The following ITGAM variants were observed in gnomAD, a reference collection of about 807,000 sequenced individuals.
The protein encoded by ITGAM is integrin alpha-M.
ITGAM carries 79 observed loss-of-function variants against 137.5 expected under a neutral mutation model. The observed-to-expected ratio is 0.57, with a 90% CI of 0.48 to 0.69. The LOEUF (loss-of-function observed/expected upper bound fraction) is 0.69, where lower values mean the gene tolerates loss of function less well. Among genes scored for constraint, ITGAM ranks in the 30% least tolerant of loss-of-function variants. ITGAM has a pLI of 0.00. For synonymous variants in ITGAM, 583 were observed against 592.3 expected, an observed-to-expected ratio of 0.98 and a Z score of 0.23; for missense variants, 1,343 against 1,483.5, an observed-to-expected ratio of 0.91 and a Z score of 1.56.
chr16:31,314,636 T>G (rs1311922756), intron 14 of ITGAM, among the ~76,000 whole-genome samples: 1 of 152,156 alleles, frequency 6.6e-6, no homozygotes, highest in African/African-American at 2.4e-5. Context: ...ACTGTAGCCT[T>G]GTAGTATAGT....
intron 21 of ITGAM, among the ~76,000 whole-genome samples, chr16:31,326,016 T>G (rs113816240): frequency 0.017 from 2,614 of 152,212 alleles, 74 homozygotes; most frequent in African/African-American, 0.059. Flanking sequence ...CAGTGAGCTA[T>G]GATCACACCA....
Position 31,329,242 on chromosome 16 carries a change from C to T in ITGAM, c.2807C>T (p.Thr936Ile). Residue 936 changes from threonine to isoleucine, a missense_variant, in exon 24 of 30, where the codon ACT (threonine) becomes ATT (isoleucine). Transcript: ENST00000544665. Reference sequence around the variant, plus strand: ...TCTCCCTTCAGCCATGGGGTCTCCACTAAATATCTCAACTTCACGGCCTCA... The same window carrying T: ...TCTCCCTTCAGCCATGGGGTCTCCATTAAATATCTCAACTTCACGGCCTCA... Reference protein sequence around the residue: ...YMVVTSHGVSTKYLNFTASEN... With the variant: ...YMVVTSHGVSIKYLNFTASEN... 3 of 1,612,444 alleles carry T rather than the reference C, an allele frequency of 1.9e-6. No individual in the cohort carries two copies. The highest frequency in any genetic ancestry group is 2.7e-5 in the African/African-American group (2 of 74,974).
Position 31,273,498 on chromosome 16 carries a change from G to A in ITGAM, c.838G>A (p.Val280Ile), listed in dbSNP as rs1402700828. The A allele has an allele frequency of 2.5e-6, 4 of 1,613,718 alleles. No individual in the cohort carries two copies. The South Asian group carries it at 4.4e-5, about 18-fold the overall frequency. Residue 280 changes from valine (V) to isoleucine (I), a missense_variant, in exon 8 of 30, where the codon GTC becomes ATC. Coordinates refer to ENST00000544665, the MANE Select transcript of ITGAM (RefSeq NM_000632.4). ...CATCCCTGAGGCAGACAGAGAGGGA[G>A]TCATTCGCTACGTCATTGGGGTAGG... ...DVIPEADREG[V>I]IRYVIGVGDA...
chr16:31,267,893 C>T (rs925707907), intron 5 of ITGAM, among the ~76,000 whole-genome samples: 3 of 152,176 alleles, frequency 2.0e-5, no homozygotes, highest in Non-Finnish European at 2.9e-5. Context: ...ATCTTCCCAC[C>T]TCAGCCTCCC....
chr16:31,329,375 C>T, intron 24 of ITGAM, 72 bp downstream of exon 24: 6 of 1,146,084 alleles, frequency 5.2e-6, no homozygotes, highest in Non-Finnish European at 7.8e-6. Flanking sequence ...AATGCAGAAA[C>T]AGGGATGGGA....
In ITGAM at chr16:31,324,369, C is replaced by G; in HGVS notation, c.2003-30C>G. On this transcript the variant is annotated intron_variant, in intron 16 of 29. Transcript: ENST00000544665. This position sits in a 1 kb window ranked among gnomAD's most constrained non-coding sequence, Gnocchi z 4.5. ...TCTGCCGGGTTCCGAGGCTCAGGCC[C>G]CTCACTGCTGTGCCACCCTGTCCCT... is the stretch of plus-strand genomic sequence containing the variant. 6.5e-7 allele frequency: 1 copy of G among 1,547,330 alleles called. No homozygotes were observed. Among genetic ancestry groups the G allele is most frequent in the South Asian group, 1.2e-5 (1 of 83,984 alleles).
intron 10 of ITGAM, 60 bp from the exon 11 acceptor site, chr16:31,276,860 T>A: frequency 6.3e-7 from 1 of 1,593,920 alleles, no homozygotes; most frequent in Non-Finnish European, 8.6e-7. Flanking sequence ...AGTAGCTCTG[T>A]GAGGGGCAGC....
intron 6 of ITGAM, 149 bp from the exon 7 acceptor site, chr16:31,271,698 C>T: frequency 1.1e-6 from 1 of 915,358 alleles, no homozygotes; most frequent in African/African-American, 1.7e-5. Context: ...CTGCTGGCAG[C>T]TCTCCGTCCT....
In ITGAM at chr16:31,325,177, G is replaced by A; in HGVS notation, c.2364-86G>A. The A allele has an allele frequency of 2.6e-6, 4 of 1,520,202 alleles. No homozygotes were observed. The South Asian group carries it at 3.8e-5, about 15-fold the overall frequency. The allele number at this position is 1,520,202 out of a possible 1,614,324, so 94.2% of individuals were successfully genotyped here. A position where few individuals can be genotyped will look rare whatever the true frequency, so the allele number is the denominator to read the frequency against. On this transcript the variant is annotated intron_variant, in intron 19 of 29. Transcript: ENST00000544665. ...CCCTCCACTGTTGTCTCTTCATCAA[G>A]TGTCTGCGTCTCTGTTCTGCTGGAG...
intron 14 of ITGAM, among the ~76,000 whole-genome samples, chr16:31,320,113 G>A (rs1010813142): frequency 5.9e-5 from 9 of 152,108 alleles, no homozygotes; most frequent in African/African-American, 2.2e-4. Context: ...GAGCCACCGC[G>A]TCTGACCCTT....
At chr16:31,319,177 C>T (rs2080422405) in intron 14 of ITGAM, among the ~76,000 whole-genome samples, 1 of 151,072 alleles carries the variant, frequency 6.6e-6, no homozygotes, top group South Asian at 2.1e-4. Context: ...GTATATTCTG[C>T]AGTAGTTGGC....
chr16:31,310,867 GT>G (rs1377673503), intron 14 of ITGAM, among the ~76,000 whole-genome samples: 7 of 152,118 alleles, frequency 4.6e-5, no homozygotes, highest in African/African-American at 1.7e-4. Flanking sequence ...GTACAGATGG[GT>G]TTTTGGTGTG....
At chr16:31,294,810 C>T (rs761855122) in intron 12 of ITGAM, among the ~76,000 whole-genome samples, 4 of 152,120 alleles carry the variant, frequency 2.6e-5, no homozygotes, top group South Asian at 2.1e-4. Context: ...GCTTGATTGT[C>T]AAGAAGCTTT....
chr16:31,270,942 C>A lies in ITGAM; in HGVS notation c.428-12C>A. ...CAAATTACTTGATTCATACTCTTTT[C>A]CCCTTCCCCAGGGTGTCCTCAAGAG... On this transcript the variant is annotated splice_polypyrimidine_tract_variant and intron_variant, in intron 5 of 29. Coordinates refer to ENST00000544665, the MANE Select transcript of ITGAM (RefSeq NM_000632.4). The A allele has an allele frequency of 6.8e-7, 1 of 1,467,050 alleles. No homozygotes were observed. 90.9% of individuals were successfully genotyped at this position (1,467,050 alleles called of 1,614,324 possible). A position where few individuals can be genotyped will look rare whatever the true frequency, so the allele number is the denominator to read the frequency against.
rs1372473351 is a variant in ITGAM at position 31,261,746 on chromosome 16, A to G, written c.83A>G (p.Gln28Arg). 2 of 1,613,184 alleles carry G rather than the reference A, an allele frequency of 1.2e-6. No individual in the cohort carries two copies. The highest frequency in any genetic ancestry group is 1.3e-5 in the African/African-American group (1 of 74,818). Residue 28 changes from glutamine (Q) to arginine (R), a missense_variant, in exon 2 of 30, where the codon CAA (glutamine) becomes CGA (arginine). Coordinates refer to ENST00000544665, the MANE Select transcript of ITGAM (RefSeq NM_000632.4). ...NLDTENAMTF[Q>R]ENARGFGQSV... Reference sequence around the variant, plus strand: ...GACACTGAAAACGCAATGACCTTCCAAGAGAACGCAAGGGGCTTCGGGCAG... The same window carrying G: ...GACACTGAAAACGCAATGACCTTCCGAGAGAACGCAAGGGGCTTCGGGCAG...
At chr16:31,326,786 C>G in intron 21 of ITGAM, 70 bp from the exon 22 acceptor site, 1 of 1,025,472 alleles carries the variant, frequency 9.8e-7, no homozygotes, top group Non-Finnish European at 1.5e-6. Flanking sequence ...CTCCATTAAT[C>G]AGATGACGGG....
chr16:31,311,109 C>T (rs1478697671), intron 14 of ITGAM, among the ~76,000 whole-genome samples: 1 of 152,132 alleles, frequency 6.6e-6, no homozygotes, highest in African/African-American at 2.4e-5. Context: ...GGATCCCTTC[C>T]TTACACCGTA....
At chr16:31,316,418 G>A (rs942464540) in intron 14 of ITGAM, among the ~76,000 whole-genome samples, 1 of 151,340 alleles carries the variant, frequency 6.6e-6, no homozygotes, top group Non-Finnish European at 1.5e-5. Flanking sequence ...AAAATTAGTT[G>A]ATTGTAAATG....
chr16:31,272,469 T>A (rs1257909786), intron 7 of ITGAM, among the ~76,000 whole-genome samples: 174 of 13,382 alleles, frequency 0.013, no homozygotes, highest in East Asian at 0.027. Flanking sequence ...ATATATTTTT[T>A]TTTTTTTTTT....
Sources: allele counts gnomAD v4.1 joint callset (sites outside exome capture counted in the v4.1 genomes callset), GRCh38; gene constraint gnomAD v4.1.1; non-coding constraint Gnocchi (gnomAD v3.1); transcripts MANE v1.5; gene names NCBI Gene and HGNC (gene_info 2026-07-23, HGNC 2026-07-21).